SERPINA6: variants seen among roughly 807,000 people sequenced by gnomAD.
SERPINA6 encodes corticosteroid-binding globulin.
SERPINA6 carries 19 observed loss-of-function variants against 26.4 expected under a neutral mutation model. That is an observed-to-expected ratio of 0.72 (90% confidence interval 0.50 to 1.06). SERPINA6 has a LOEUF of 1.06. Among genes scored for constraint, SERPINA6 ranks in the 50% least tolerant of loss-of-function variants. The pLI is 0.00. For missense variants in SERPINA6, 473 were observed against 504.0 expected, an observed-to-expected ratio of 0.94 and a Z score of 0.59; for synonymous variants, 196 against 199.4, an observed-to-expected ratio of 0.98 and a Z score of 0.14.
At chr14:94,319,272 G>A (rs1302142857) in intron 1 of SERPINA6, among the ~76,000 whole-genome samples, 9 of 151,166 alleles carry the variant, frequency 6.0e-5, no homozygotes. Context: ...AGGTAACATA[G>A]CAAGATTTCC....
chr14:94,322,496 G>A (rs1248555793), intron 1 of SERPINA6, among the ~76,000 whole-genome samples: 1 of 151,838 alleles, frequency 6.6e-6, no homozygotes, highest in African/African-American at 2.4e-5. Context: ...GGCAACAAGA[G>A]TGAAATTCCA....
Position 94,314,493 on chromosome 14 carries a change from C to T in SERPINA6, c.156G>A (p.Lys52=). The T allele has an allele frequency of 1.2e-6, 2 of 1,614,176 alleles. No homozygotes were observed. The highest frequency in any genetic ancestry group is 1.7e-6 in the Non-Finnish European group (2 of 1,180,030). Residue 52 remains lysine (K), a synonymous_variant, in exon 2 of 5, where the codon AAG becomes AAA. Transcript: ENST00000341584. ...ANVDFAFSLY[K]HLVALSPKKN... ...TTTTGGGACTCAAGGCCACTAGGTG[C>T]TTATACAGGCTGAAGGCAAAGTCAA...
intron 1 of SERPINA6, among the ~76,000 whole-genome samples, chr14:94,318,321 A>T (rs1316308442): frequency 1.3e-5 from 2 of 152,250 alleles, no homozygotes; most frequent in Non-Finnish European, 1.5e-5. Flanking sequence ...AGAAAAATTT[A>T]TCCTAAAATT....
intron 2 of SERPINA6, among the ~76,000 whole-genome samples, chr14:94,311,475 G>A (rs1895528960): frequency 1.3e-5 from 2 of 152,084 alleles, no homozygotes; most frequent in Admixed American, 6.5e-5. Flanking sequence ...ATACAAAATG[G>A]GGTTCAGCCT....
chr14:94,317,422 GGTGGAGCT>G, intron 1 of SERPINA6, among the ~76,000 whole-genome samples: 1 of 152,304 alleles, frequency 6.6e-6, no homozygotes, highest in South Asian at 2.1e-4. Flanking sequence ...GGGAGAATGG[GGTGGAGCT>G]GTGGGAAGTT....
At chr14:94,322,513 A>AAAACAAAC (rs71463938) in intron 1 of SERPINA6, among the ~76,000 whole-genome samples, 18 of 151,924 alleles carry the variant, frequency 1.2e-4, no homozygotes, top group East Asian at 3.9e-4. Context: ...TCCATCTTAA[A>AAAACAAAC]AAACAAACAA....
At chr14:94,323,112 C>A (rs57571121) in intron 1 of SERPINA6, among the ~76,000 whole-genome samples, 155 bp downstream of exon 1, 3,475 of 152,302 alleles carry the variant, frequency 0.023, 132 homozygotes, top group African/African-American at 0.079. Context: ...AAATCCTAAC[C>A]AGATTGCCTC....
At chr14:94,310,076 A>G in intron 2 of SERPINA6, 70 bp from the exon 3 acceptor site, 1 of 1,508,216 alleles carries the variant, frequency 6.6e-7, no homozygotes, top group Non-Finnish European at 9.1e-7. Flanking sequence ...TCACGGGCCT[A>G]CTATCCAAGT....
chr14:94,304,895 C>A (rs192705003), intron 4 of SERPINA6, among the ~76,000 whole-genome samples: 2 of 152,250 alleles, frequency 1.3e-5, no homozygotes, highest in East Asian at 3.9e-4. Context: ...CCATGTTGGG[C>A]GCTTCTTACC....
intron 2 of SERPINA6, among the ~76,000 whole-genome samples, chr14:94,312,654 A>G (rs1169358761): frequency 1.3e-5 from 2 of 152,164 alleles, no homozygotes; most frequent in Non-Finnish European, 2.9e-5. Context: ...TCTCAGCCTC[A>G]CCATCCTGCG....
At chr14:94,310,906 C>T (rs1290629673) in intron 2 of SERPINA6, among the ~76,000 whole-genome samples, 1 of 152,200 alleles carries the variant, frequency 6.6e-6, no homozygotes, top group African/African-American at 2.4e-5. Flanking sequence ...TGACCACAAG[C>T]CCTGAAGCCC....
At chr14:94,305,643 CATGA>C (rs1895426716) in intron 4 of SERPINA6, among the ~76,000 whole-genome samples, 4 of 152,174 alleles carry the variant, frequency 2.6e-5, no homozygotes, top group African/African-American at 9.7e-5. Flanking sequence ...TTTCTGAATG[CATGA>C]ATAACAGAAC....
intron 2 of SERPINA6, among the ~76,000 whole-genome samples, chr14:94,311,806 G>T (rs573255337): frequency 6.6e-6 from 1 of 152,116 alleles, no homozygotes; most frequent in South Asian, 2.1e-4. Context: ...AAATTAGCCG[G>T]GTGTCATGGC....
intron 1 of SERPINA6, among the ~76,000 whole-genome samples, 164 bp downstream of exon 1, chr14:94,323,103 A>T (rs1895706959): frequency 6.6e-6 from 1 of 152,186 alleles, no homozygotes; most frequent in Non-Finnish European, 1.5e-5. Flanking sequence ...GGGTCTGGAA[A>T]ATCCTAACCA....
chr14:94,311,460 A>G (rs1238015672), intron 2 of SERPINA6, among the ~76,000 whole-genome samples: 5 of 152,208 alleles, frequency 3.3e-5, no homozygotes, highest in Admixed American at 3.3e-4. Flanking sequence ...TTGACACAAA[A>G]CAAAATACAA....
intron 1 of SERPINA6, among the ~76,000 whole-genome samples, chr14:94,322,837 G>T (rs1205484617): frequency 1.3e-5 from 2 of 152,150 alleles, no homozygotes; most frequent in Non-Finnish European, 2.9e-5. Flanking sequence ...CCCTGCACTG[G>T]GCCAGCTGAG....
At position 94,314,470 on chromosome 14, in the gene SERPINA6, T is replaced by C; in HGVS notation, c.179A>G (p.Lys60Arg). 6.2e-7 allele frequency: 1 copy of C among 1,614,148 alleles called. No individual in the cohort carries two copies. Among genetic ancestry groups the C allele is most frequent in the South Asian group, 1.1e-5 (1 of 91,076 alleles). Residue 60 changes from lysine (K) to arginine (R), a missense_variant, in exon 2 of 5, where the codon AAA (lysine) becomes AGA (arginine). Physicochemically the swap from Lys to Arg is conservative, Grantham distance 26. Transcript: ENST00000341584. ...CACAGGGGAGATGAAAATGTTCTTT[T>C]TGGGACTCAAGGCCACTAGGTGCTT... The part of the protein sequence containing the change: ...LYKHLVALSP[K>R]KNIFISPVSI...
At position 94,319,302 on chromosome 14, in the gene SERPINA6, T is replaced by A. The variant is rs934204112; in HGVS notation, c.-20+3965A>T. On this transcript the variant is annotated intron_variant, in intron 1 of 4. Transcript: ENST00000341584. ...ATTTCCTTTAAAAAAATTTTTTTTT[T>A]AATTTAAATGTTAGCATTGCATGTG... Among the ~76,000 whole-genome samples, 12 of 151,192 alleles carry A rather than the reference T, an allele frequency of 7.9e-5. No homozygotes were observed. In the South Asian group the frequency reaches 1.1e-3, roughly 13 times the overall value.
chr14:94,313,193 AGGGCTCAT>A, intron 2 of SERPINA6, among the ~76,000 whole-genome samples: 1 of 152,342 alleles, frequency 6.6e-6, no homozygotes, highest in East Asian at 1.9e-4. Flanking sequence ...AAGTTGCAAG[AGGGCTCAT>A]GAGACAGAAG....
Sources: allele counts gnomAD v4.1 joint callset (sites outside exome capture counted in the v4.1 genomes callset), GRCh38; gene constraint gnomAD v4.1.1; transcripts MANE v1.5; gene names NCBI Gene and HGNC (gene_info 2026-07-23, HGNC 2026-07-21).